Variants in SHISA9 observed in about 807,000 individuals in gnomAD.
The protein encoded by SHISA9 is protein shisa-9.
A neutral mutation model predicts 38.0 loss-of-function variants in SHISA9; 13 were observed. The ratio of observed to expected loss-of-function variants is 0.34; its 90% confidence interval spans 0.22 to 0.54. The LOEUF (loss-of-function observed/expected upper bound fraction) is 0.54, where lower values mean the gene tolerates loss of function less well. Ranked by LOEUF, SHISA9 falls within the 20% of genes least tolerant of loss-of-function variation. The probability of loss-of-function intolerance (pLI) is 0.91; values close to 1 mark genes in which losing one functional copy is unlikely to be tolerated. For synonymous variants in SHISA9, 275 were observed against 242.0 expected (o/e 1.14, Z -1.27); for missense variants, 538 against 575.8 (o/e 0.93, Z 0.67).
chr16:12,952,262 G>T (rs1259223229), intron 2 of SHISA9, among the ~76,000 whole-genome samples: 1 of 152,222 alleles, frequency 6.6e-6, no homozygotes, highest in African/African-American at 2.4e-5. Flanking sequence ...AGAACTTTCT[G>T]TGACCTGTTT....
chr16:12,954,302 C>T (rs919928396), intron 2 of SHISA9, among the ~76,000 whole-genome samples: 2 of 152,170 alleles, frequency 1.3e-5, no homozygotes, highest in Non-Finnish European at 2.9e-5. Context: ...ACTTATGAAA[C>T]AGCAAATGTG....
chr16:13,514,284 C>T, the SHISA9 span, among the ~76,000 whole-genome samples: 1 of 151,622 alleles, frequency 6.6e-6, no homozygotes, highest in Non-Finnish European at 1.5e-5. Context: ...TGAGCCACTG[C>T]ACCCAGCCAA....
the SHISA9 span, among the ~76,000 whole-genome samples, chr16:13,529,832 C>T: frequency 1.3e-5 from 2 of 152,198 alleles, no homozygotes. Flanking sequence ...TAGGCAGATG[C>T]TTGTGAGAGG....
intron 2 of SHISA9, among the ~76,000 whole-genome samples, chr16:13,100,553 A>C (rs1362632095): frequency 6.6e-6 from 1 of 152,158 alleles, no homozygotes; most frequent in Admixed American, 6.5e-5. Flanking sequence ...CAGCTCATTC[A>C]TATTCTGGGG....
rs34832916 is a variant in SHISA9 at position 13,173,377 on chromosome 16, TACACACAC to T, written c.692-29991_692-29984del. Among the ~76,000 whole-genome samples, 785 of 142,948 alleles carry T rather than the reference TACACACAC, an allele frequency of 5.5e-3. 7 individuals carry two copies. Among genetic ancestry groups the T allele is most frequent in the African/African-American group, 0.018 (684 of 38,722 alleles). The allele number at this position is 142,948 out of a possible 152,430, so 93.8% of individuals were successfully genotyped here. ...TGGAAATGGCATGTATGTGTGCATG[TACACACAC>T]ACACACACACACACACACACACACA... is the stretch of plus-strand genomic sequence containing the variant. On this transcript the variant is annotated intron_variant, in intron 2 of 4. Transcript: ENST00000558583.
chr16:13,213,139 T>A, intron 3 of SHISA9, 114 bp from the exon 4 acceptor site: 1 of 850,672 alleles, frequency 1.2e-6, no homozygotes, highest in Non-Finnish European at 1.9e-6. Context: ...CTGAGGCCTG[T>A]CCCTGCTTGG....
At chr16:13,406,163 A>C in the SHISA9 span, among the ~76,000 whole-genome samples, 2 of 152,222 alleles carry the variant, frequency 1.3e-5, no homozygotes, top group East Asian at 1.9e-4. Flanking sequence ...ATTCACCAAA[A>C]GTTGTGCATT....
intron 2 of SHISA9, among the ~76,000 whole-genome samples, chr16:13,098,584 A>G (rs945153967): frequency 1.3e-5 from 2 of 152,164 alleles, no homozygotes; most frequent in Non-Finnish European, 2.9e-5. Context: ...CTACAATAAG[A>G]CAGGAAGGAG....
chr16:13,055,152 T>C (rs1382340643), intron 2 of SHISA9, among the ~76,000 whole-genome samples: 1 of 152,226 alleles, frequency 6.6e-6, no homozygotes, highest in African/African-American at 2.4e-5. Flanking sequence ...AGTTGTATTA[T>C]TTTATATAAT....
chr16:13,490,070 T>C, the SHISA9 span, among the ~76,000 whole-genome samples: 2 of 152,062 alleles, frequency 1.3e-5, no homozygotes, highest in African/African-American at 4.8e-5. Flanking sequence ...GGTAGGAACA[T>C]AGTAGACATA....
the SHISA9 span, among the ~76,000 whole-genome samples, chr16:13,249,437 G>T: frequency 6.6e-6 from 1 of 152,140 alleles, no homozygotes; most frequent in Non-Finnish European, 1.5e-5. Flanking sequence ...TTTGTTGTAG[G>T]TTGAGATGAC....
chr16:12,947,170 G>T (rs67821102), intron 2 of SHISA9, among the ~76,000 whole-genome samples: 30,912 of 152,134 alleles, frequency 0.2, 3,841 homozygotes, highest in Middle Eastern at 0.36. Context: ...AGGTGAGAAA[G>T]CTGGAAGACC....
At chr16:13,092,405 G>T (rs570584098) in intron 2 of SHISA9, among the ~76,000 whole-genome samples, 1 of 152,344 alleles carries the variant, frequency 6.6e-6, no homozygotes, top group East Asian at 1.9e-4. Flanking sequence ...GCTGCCTTTT[G>T]TTCAGCTATG....
the SHISA9 span, among the ~76,000 whole-genome samples, chr16:13,478,159 T>C: frequency 6.6e-6 from 1 of 152,142 alleles, no homozygotes; most frequent in Admixed American, 6.5e-5. Context: ...GGGAAACATG[T>C]TGGGGTCTTG....
the SHISA9 span, among the ~76,000 whole-genome samples, chr16:13,373,543 A>G: frequency 6.6e-6 from 1 of 152,170 alleles, no homozygotes; most frequent in Non-Finnish European, 1.5e-5. Context: ...CGGGCAGATC[A>G]TGAGGTCAGG....
the SHISA9 span, among the ~76,000 whole-genome samples, chr16:13,334,265 G>A: frequency 6.6e-6 from 1 of 152,208 alleles, no homozygotes; most frequent in Non-Finnish European, 1.5e-5. Context: ...ACCTCTTAGT[G>A]GTTATTGGTG....
the SHISA9 span, among the ~76,000 whole-genome samples, chr16:13,536,614 G>A: frequency 1.3e-5 from 2 of 152,168 alleles, no homozygotes; most frequent in Non-Finnish European, 2.9e-5. Context: ...AAAAAGACTA[G>A]CAAAGAAGAA....
the SHISA9 span, among the ~76,000 whole-genome samples, chr16:13,521,432 TTTA>T: frequency 6.6e-6 from 1 of 152,212 alleles, no homozygotes; most frequent in Non-Finnish European, 1.5e-5. Context: ...ATCACACATA[TTTA>T]TTTACACAAT....
intron 2 of SHISA9, among the ~76,000 whole-genome samples, chr16:13,001,091 C>G (rs954488186): frequency 2.0e-5 from 3 of 152,152 alleles, no homozygotes; most frequent in Admixed American, 6.5e-5. Context: ...TGATGCCTGA[C>G]TAATTTTTGT....
Sources: gnomAD v4.1 joint callset for allele counts (sites outside exome capture counted in the v4.1 genomes callset) on GRCh38, gnomAD v4.1.1 for gene constraint, MANE v1.5 for transcripts, NCBI Gene and HGNC (gene_info 2026-07-23, HGNC 2026-07-21) for gene names.